The following HECW2 variants were observed in gnomAD, a reference collection of about 807,000 sequenced individuals.
HECW2 encodes the protein HECT, C2 and WW domain containing E3 ubiquitin protein ligase 2.
In HECW2, 61 loss-of-function variants were observed where a neutral mutation model predicts 175.2. The observed-to-expected ratio is 0.35, with a 90% CI of 0.28 to 0.43. HECW2 has a LOEUF of 0.43. Among genes scored for constraint, HECW2 ranks in the 20% least tolerant of loss-of-function variants. The pLI is 1.00. For synonymous variants in HECW2, 671 were observed against 731.0 expected, an observed-to-expected ratio of 0.92 and a Z score of 1.32; for missense variants, 1,524 against 2,000.5, an observed-to-expected ratio of 0.76 and a Z score of 4.54.
intron 3 of HECW2, among the ~76,000 whole-genome samples, chr2:196,335,045 AG>A (rs1461459514): frequency 6.6e-6 from 1 of 152,220 alleles, no homozygotes; most frequent in Non-Finnish European, 1.5e-5. Context: ...GAGGAAAAGC[AG>A]TCTAACAAAG....
At chr2:196,303,656 A>T (rs879766274) in intron 13 of HECW2, among the ~76,000 whole-genome samples, 1 of 152,270 alleles carries the variant, frequency 6.6e-6, no homozygotes, top group Admixed American at 6.5e-5. Context: ...GTGTCCAGGA[A>T]CTTATCTATT....
intron 1 of HECW2, among the ~76,000 whole-genome samples, chr2:196,475,191 T>C (rs1418219787): frequency 6.6e-6 from 1 of 151,992 alleles, no homozygotes; most frequent in African/African-American, 2.4e-5. Flanking sequence ...GTTGAACAGT[T>C]CTCCCTTCCA....
chr2:196,450,486 C>G (rs192669708), intron 1 of HECW2, among the ~76,000 whole-genome samples: 4 of 144,252 alleles, frequency 2.8e-5, no homozygotes, highest in South Asian at 4.4e-4. Flanking sequence ...GCCCAAATAT[C>G]AGATTTTTTT....
At chr2:196,428,595 C>A (rs1695616046) in intron 2 of HECW2, among the ~76,000 whole-genome samples, 1 of 152,118 alleles carries the variant, frequency 6.6e-6, no homozygotes, top group Non-Finnish European at 1.5e-5. Context: ...AAAGATTATT[C>A]CCAACACAGT....
At chr2:196,321,985 A>G (rs571373015) in intron 7 of HECW2, among the ~76,000 whole-genome samples, 2 of 152,366 alleles carry the variant, frequency 1.3e-5, no homozygotes, top group South Asian at 4.1e-4. Context: ...GAGAATGTCA[A>G]TGAATAAATT....
chr2:196,523,282 T>C (rs1484610443), intron 1 of HECW2, among the ~76,000 whole-genome samples: 4 of 151,896 alleles, frequency 2.6e-5, no homozygotes, highest in African/African-American at 4.8e-5. Context: ...TGTTTGTCTG[T>C]TGTTGGTGTA....
chr2:196,584,702 T>C (rs1199417428), intron 1 of HECW2, among the ~76,000 whole-genome samples: 4 of 152,140 alleles, frequency 2.6e-5, no homozygotes, highest in Non-Finnish European at 4.4e-5. Flanking sequence ...TCATCAATCA[T>C]CTTTGTTACT....
chr2:196,202,773 A>G (rs1189609337), intron 28 of HECW2, among the ~76,000 whole-genome samples: 1 of 152,206 alleles, frequency 6.6e-6, no homozygotes, highest in Non-Finnish European at 1.5e-5. Context: ...GTTATATTGT[A>G]AGAATACAGA....
intron 1 of HECW2, among the ~76,000 whole-genome samples, chr2:196,580,858 C>A (rs1690752555): frequency 6.6e-6 from 1 of 152,128 alleles, no homozygotes; most frequent in Non-Finnish European, 1.5e-5. Context: ...ATGTTCATAG[C>A]AGCATTATTC....
chr2:196,240,757 G>T (rs1369451140), intron 20 of HECW2, among the ~76,000 whole-genome samples, 195 bp from the exon 21 acceptor site: 8 of 13,650 alleles, frequency 5.9e-4, no homozygotes, highest in Non-Finnish European at 2.4e-3. Flanking sequence ...TTACATGAGA[G>T]AATCATTGGT....
chr2:196,230,945 T>C (rs974155976), intron 21 of HECW2, among the ~76,000 whole-genome samples: 1 of 151,552 alleles, frequency 6.6e-6, no homozygotes, highest in Non-Finnish European at 1.5e-5. Context: ...CTACTAAAAA[T>C]ACAAAAAATT....
rs558201457 is a variant in HECW2, at chr2:196,392,371, TGCCAGG to T, written c.292+40755_292+40760del. Among the ~76,000 whole-genome samples, 39 of 152,346 alleles carry T rather than the reference TGCCAGG, an allele frequency of 2.6e-4. No individual in the cohort carries two copies. The South Asian group carries it at 7.9e-3, about 31-fold the overall frequency. ...AATGTAAGATAAAACCTACTTTCGG[TGCCAGG>T]GCTGTGTAACCTATCAGGCTCCTTC... is the stretch of plus-strand genomic sequence containing the variant. On this transcript the variant is annotated intron_variant, in intron 2 of 28. Transcript: ENST00000644978.
chr2:196,204,709 T>C (rs1223059207), intron 28 of HECW2, among the ~76,000 whole-genome samples: 1 of 152,180 alleles, frequency 6.6e-6, no homozygotes, highest in African/African-American at 2.4e-5. Flanking sequence ...GTAATTTGTT[T>C]TGCATCAGTA....
chr2:196,254,112 A>G lies in HECW2; in HGVS notation c.3420-83T>C, dbSNP rs144244669. On this transcript the variant is annotated intron_variant, in intron 18 of 28. Transcript: ENST00000644978. ...AAATCCCAAAGGAGTAGAATATTCCATCCAAGATCCGGTTTATATCCCAAA... is the reference window on the plus strand; with the variant it reads ...AAATCCCAAAGGAGTAGAATATTCCGTCCAAGATCCGGTTTATATCCCAAA... 9,362 of 1,545,856 alleles carry G rather than the reference A, an allele frequency of 6.1e-3. 54 individuals are homozygous for G. Among genetic ancestry groups the G allele is most frequent in the South Asian group, 0.017 (1,469 of 84,172 alleles).
intron 1 of HECW2, among the ~76,000 whole-genome samples, chr2:196,509,892 A>G (rs1171035614): frequency 6.6e-6 from 1 of 152,238 alleles, no homozygotes; most frequent in Non-Finnish European, 1.5e-5. Flanking sequence ...TTCAGGCATA[A>G]GTGAGCTAAA....
chr2:196,272,393 ATT>A (rs986382216), intron 16 of HECW2, among the ~76,000 whole-genome samples: 58 of 152,344 alleles, frequency 3.8e-4, no homozygotes, highest in African/African-American at 1.4e-3. Context: ...AAGAAAATGA[ATT>A]TGTTTACTTA....
At chr2:196,423,715 T>TG (rs1553516070) in intron 2 of HECW2, among the ~76,000 whole-genome samples, 11 of 151,590 alleles carry the variant, frequency 7.3e-5, no homozygotes, top group South Asian at 4.2e-4. Context: ...TGTGTGTGTG[T>TG]TTATCACATT....
intron 1 of HECW2, among the ~76,000 whole-genome samples, chr2:196,580,248 T>G (rs1464486062): frequency 2.0e-5 from 3 of 152,102 alleles, no homozygotes; most frequent in Non-Finnish European, 2.9e-5. Context: ...ATATCCCACT[T>G]CTCCTCATGG....
At chr2:196,412,283 T>G (rs1012051126) in intron 2 of HECW2, among the ~76,000 whole-genome samples, 2 of 152,232 alleles carry the variant, frequency 1.3e-5, no homozygotes, top group Non-Finnish European at 2.9e-5. Flanking sequence ...TTCCTTGGTG[T>G]GCAGGTGACC....
Sources: allele counts gnomAD v4.1 joint callset (sites outside exome capture counted in the v4.1 genomes callset), GRCh38; gene constraint gnomAD v4.1.1; transcripts MANE v1.5; gene names NCBI Gene and HGNC (gene_info 2026-07-23, HGNC 2026-07-21).